Variants in TCF7L1 observed in about 807,000 individuals in gnomAD.
The protein encoded by TCF7L1 is transcription factor 7-like 1.
TCF7L1 carries 18 observed loss-of-function variants against 63.7 expected under a neutral mutation model. The observed-to-expected ratio is 0.28, with a 90% confidence interval of 0.20 to 0.42. The LOEUF (loss-of-function observed/expected upper bound fraction) is 0.42, where lower values mean the gene tolerates loss of function less well. Among genes scored for constraint, TCF7L1 ranks in the 10% least tolerant of loss-of-function variants. The probability of loss-of-function intolerance (pLI) is 1.00; values close to 1 mark genes in which losing one functional copy is unlikely to be tolerated. For missense variants in TCF7L1, 654 were observed against 779.3 expected (o/e 0.84, Z 1.91); for synonymous variants, 355 against 340.9 (o/e 1.04, Z -0.46).
At position 85,309,494 on chromosome 2, in the gene TCF7L1, A is replaced by C; in HGVS notation, c.*32A>C. The stretch of plus-strand genomic sequence containing the variant: ...CCCGACCCCTGCAGGCTGTCACATG[A>C]CTCATTGAGTAGTAATGATTCAGAA... On this transcript the variant is annotated 3_prime_UTR_variant, in exon 12 of 12. Coordinates refer to ENST00000282111, the MANE Select transcript of TCF7L1 (RefSeq NM_031283.3). 1 of 1,512,250 alleles carries C rather than the reference A, an allele frequency of 6.6e-7. No homozygotes were observed. Among genetic ancestry groups the C allele is most frequent in the Non-Finnish European group, 8.8e-7 (1 of 1,130,606 alleles). 93.7% of individuals were successfully genotyped at this position (1,512,250 alleles called of 1,614,324 possible). A position where few individuals can be genotyped will look rare whatever the true frequency, so the allele number is the denominator to read the frequency against.
At chr2:85,210,465 G>A (rs1271226026) in intron 3 of TCF7L1, among the ~76,000 whole-genome samples, 2 of 152,248 alleles carry the variant, frequency 1.3e-5, no homozygotes, top group African/African-American at 2.4e-5. Context: ...GACAGCAAAG[G>A]TTGGAAAAGA....
intron 3 of TCF7L1, among the ~76,000 whole-genome samples, chr2:85,157,948 A>T (rs1678187635): frequency 6.6e-6 from 1 of 152,106 alleles, no homozygotes; most frequent in South Asian, 2.1e-4. Context: ...ATTTGTGCAG[A>T]TGGGGGCATG....
At chr2:85,215,499 T>C (rs1038504905) in intron 3 of TCF7L1, among the ~76,000 whole-genome samples, 43 of 152,234 alleles carry the variant, frequency 2.8e-4, no homozygotes, top group Admixed American at 2.7e-3. Context: ...GCAGGTTGGC[T>C]TGGCTGGAGC....
chr2:85,197,036 T>A (rs2104272591), intron 3 of TCF7L1, among the ~76,000 whole-genome samples: 1 of 152,326 alleles, frequency 6.6e-6, no homozygotes, highest in African/African-American at 2.4e-5. Context: ...AGGTTGGTGT[T>A]ACCTCACTTC....
chr2:85,291,861 A>T (rs1681724342), intron 4 of TCF7L1, among the ~76,000 whole-genome samples: 1 of 152,142 alleles, frequency 6.6e-6, no homozygotes, highest in South Asian at 2.1e-4. Flanking sequence ...GTGCACCACC[A>T]CATCCAGCTA....
intron 3 of TCF7L1, among the ~76,000 whole-genome samples, chr2:85,153,998 T>G (rs777935830): frequency 2.0e-5 from 3 of 152,238 alleles, no homozygotes; most frequent in Non-Finnish European, 4.4e-5. Context: ...TACTGGTGGT[T>G]GTTCATTTTT....
At chr2:85,156,693 C>T (rs113821034) in intron 3 of TCF7L1, among the ~76,000 whole-genome samples, 129 of 152,342 alleles carry the variant, frequency 8.5e-4, no homozygotes, top group African/African-American at 3.1e-3. Context: ...CCTCTGTACA[C>T]AGAAATTGAG....
chr2:85,185,960 ATTTTTTTTTT>A (rs67142055), intron 3 of TCF7L1, among the ~76,000 whole-genome samples: 1 of 94,642 alleles, frequency 1.1e-5, no homozygotes, highest in African/African-American at 4.5e-5. Flanking sequence ...AACACAGGGG[ATTTTTTTTTT>A]TTTTTTTTTT....
chr2:85,290,271 T>A (rs1573028235), intron 4 of TCF7L1, among the ~76,000 whole-genome samples: 1 of 152,200 alleles, frequency 6.6e-6, no homozygotes, highest in South Asian at 2.1e-4. Flanking sequence ...GTGAGCCACC[T>A]CACCCGGCCC....
At chr2:85,168,192 A>AACACACAC (rs55736939) in intron 3 of TCF7L1, among the ~76,000 whole-genome samples, 8,121 of 145,608 alleles carry the variant, frequency 0.056, 249 homozygotes, top group Non-Finnish European at 0.066. Context: ...GTTCTTACCA[A>AACACACAC]ACACACACAC....
At chr2:85,297,143 G>C (rs531890677) in intron 4 of TCF7L1, among the ~76,000 whole-genome samples, 2 of 152,292 alleles carry the variant, frequency 1.3e-5, no homozygotes, top group Non-Finnish European at 2.9e-5. Flanking sequence ...GCAAACAGTG[G>C]GAAAAGAAGA....
intron 3 of TCF7L1, among the ~76,000 whole-genome samples, chr2:85,261,504 G>A (rs1004985581): frequency 2.6e-5 from 4 of 152,214 alleles, no homozygotes; most frequent in African/African-American, 7.2e-5. Context: ...GCAAGCATGT[G>A]TCTTGACAAA....
intron 3 of TCF7L1, among the ~76,000 whole-genome samples, chr2:85,220,522 T>C (rs1679818550): frequency 6.6e-6 from 1 of 152,086 alleles, no homozygotes; most frequent in African/African-American, 2.4e-5. Flanking sequence ...CGCGCCTCCA[T>C]GCCCAGCTAA....
intron 3 of TCF7L1, among the ~76,000 whole-genome samples, chr2:85,156,228 A>G (rs1013029921): frequency 6.6e-6 from 1 of 152,236 alleles, no homozygotes; most frequent in Non-Finnish European, 1.5e-5. Flanking sequence ...GTCGGTGAGC[A>G]CAAGCCTCAT....
At chr2:85,294,876 T>C (rs1681807216) in intron 4 of TCF7L1, among the ~76,000 whole-genome samples, 1 of 151,270 alleles carries the variant, frequency 6.6e-6, no homozygotes, top group African/African-American at 2.4e-5. Context: ...TTACTAAAAA[T>C]AAAAAAAATT....
chr2:85,181,346 G>A (rs902274957), intron 3 of TCF7L1, among the ~76,000 whole-genome samples: 4 of 152,226 alleles, frequency 2.6e-5, no homozygotes, highest in South Asian at 4.1e-4. Context: ...CTTCAAAACA[G>A]CCCCTGGGAA....
chr2:85,161,916 C>T (rs1164256998), intron 3 of TCF7L1, among the ~76,000 whole-genome samples: 1 of 152,100 alleles, frequency 6.6e-6, no homozygotes, highest in African/African-American at 2.4e-5. Flanking sequence ...GGGAACAGTC[C>T]CACATGGGAA....
chr2:85,161,444 GTGCTTCGGGGCCGGTGGAGC>G (rs776380183), intron 3 of TCF7L1, among the ~76,000 whole-genome samples: 40 of 152,206 alleles, frequency 2.6e-4, no homozygotes, highest in Non-Finnish European at 4.7e-4. Context: ...AGCAAGGGAG[GTGCTTCGGGGCCGGTGGAGC>G]TGCTTCACTG....
At chr2:85,221,694 C>A (rs780341682) in intron 3 of TCF7L1, among the ~76,000 whole-genome samples, 1 of 152,138 alleles carries the variant, frequency 6.6e-6, no homozygotes, top group African/African-American at 2.4e-5. Flanking sequence ...ACCTAATCAC[C>A]TCTTAAAGTT....
Sources: gnomAD v4.1 joint callset for allele counts (sites outside exome capture counted in the v4.1 genomes callset) on GRCh38, gnomAD v4.1.1 for gene constraint, MANE v1.5 for transcripts, NCBI Gene and HGNC (gene_info 2026-07-23, HGNC 2026-07-21) for gene names.